The following GRM7 variants were observed in gnomAD, a reference collection of about 807,000 sequenced individuals.
The protein encoded by GRM7 is metabotropic glutamate receptor 7.
A neutral mutation model predicts 84.5 loss-of-function variants in GRM7; 35 were observed. The observed-to-expected ratio is 0.41, with a 90% CI of 0.32 to 0.55. The LOEUF (loss-of-function observed/expected upper bound fraction) is 0.55. Among genes scored for constraint, GRM7 ranks in the 20% least tolerant of loss-of-function variants. The pLI, the probability that GRM7 is intolerant of heterozygous loss-of-function variation, is 0.19. For missense variants in GRM7, 1,003 were observed against 1,194.6 expected (o/e 0.84, Z 2.36); for synonymous variants, 487 against 455.1 (o/e 1.07, Z -0.89).
chr3:6,989,517 T>G lies in GRM7; in HGVS notation c.519+127610T>G, dbSNP rs144349723. Among the ~76,000 whole-genome samples, 1,119 of 152,330 alleles carry G rather than the reference T, an allele frequency of 7.3e-3. 10 individuals carry two copies. Among genetic ancestry groups the G allele is most frequent in the African/African-American group, 0.025 (1,029 of 41,578 alleles). On this transcript the variant is annotated intron_variant, in intron 1 of 9. Coordinates refer to ENST00000357716, the MANE Select transcript of GRM7 (RefSeq NM_000844.4). ...AGAAAACTTACTCTTATCTCAGACT[T>G]TCTTCCTTCACAAACTTTCTTTCTT...
intron 4 of GRM7, among the ~76,000 whole-genome samples, chr3:7,376,292 C>T (rs1694346739): frequency 6.6e-6 from 1 of 152,262 alleles, no homozygotes; most frequent in African/African-American, 2.4e-5. Flanking sequence ...TTGCTAGTTT[C>T]TGCTCTGTGG....
chr3:7,115,867 G>T (rs1334126672), intron 1 of GRM7, among the ~76,000 whole-genome samples: 1 of 152,148 alleles, frequency 6.6e-6, no homozygotes, highest in Non-Finnish European at 1.5e-5. Flanking sequence ...TCCTGGAACA[G>T]TCTAGGTTTC....
chr3:7,029,672 A>C (rs947527579), intron 1 of GRM7, among the ~76,000 whole-genome samples: 1 of 152,184 alleles, frequency 6.6e-6, no homozygotes, highest in Non-Finnish European at 1.5e-5. Context: ...TAGTGACAGA[A>C]AGTTGAATGA....
chr3:7,044,570 A>G (rs749545951), intron 1 of GRM7, among the ~76,000 whole-genome samples: 1 of 152,218 alleles, frequency 6.6e-6, no homozygotes, highest in Admixed American at 6.5e-5. Flanking sequence ...AGAAAGCCGC[A>G]GTGACGTTTT....
At position 7,292,752 on chromosome 3, in the gene GRM7, T is replaced by C. The variant is rs898048103; in HGVS notation, c.737-5932T>C. ...AAAAAAAAAAACAAACCATTGAGGC[T>C]GGACGCGGTGGCTCACGCCTGTAAT... On this transcript the variant is annotated intron_variant, in intron 2 of 9. Coordinates refer to ENST00000357716, the MANE Select transcript of GRM7 (RefSeq NM_000844.4). 6.6e-5 allele frequency among the ~76,000 whole-genome samples: 10 copies of C among 150,938 alleles called. No individual in the cohort carries two copies. In the South Asian group the frequency reaches 1.7e-3, roughly 25 times the overall value.
chr3:7,168,666 TC>T (rs1344815149), intron 2 of GRM7, among the ~76,000 whole-genome samples: 1 of 152,280 alleles, frequency 6.6e-6, no homozygotes, highest in East Asian at 1.9e-4. Context: ...TCAAATATAT[TC>T]CTGTTAATAT....
intron 2 of GRM7, among the ~76,000 whole-genome samples, chr3:7,198,237 C>T (rs532596827): frequency 1.3e-5 from 2 of 151,718 alleles, no homozygotes; most frequent in East Asian, 3.9e-4. Flanking sequence ...TATGCAACAG[C>T]ACAGATGAAT....
chr3:6,872,643 G>C (rs1208801244), intron 1 of GRM7, among the ~76,000 whole-genome samples: 2 of 151,870 alleles, frequency 1.3e-5, no homozygotes, highest in Admixed American at 6.6e-5. Context: ...GCCCCGGTGT[G>C]TGATGTTCCC....
chr3:7,676,158 T>C (rs1448622494), intron 8 of GRM7, among the ~76,000 whole-genome samples: 1 of 152,128 alleles, frequency 6.6e-6, no homozygotes, highest in Admixed American at 6.5e-5. Context: ...GGTAAAATAA[T>C]AACCATGGGA....
chr3:6,908,073 T>C (rs1367060070), intron 1 of GRM7, among the ~76,000 whole-genome samples: 1 of 152,168 alleles, frequency 6.6e-6, no homozygotes, highest in Non-Finnish European at 1.5e-5. Flanking sequence ...AATATCGTTT[T>C]GTTAAAGAAG....
At chr3:7,164,122 G>A (rs769446296) in intron 2 of GRM7, among the ~76,000 whole-genome samples, 1 of 152,160 alleles carries the variant, frequency 6.6e-6, no homozygotes, top group Non-Finnish European at 1.5e-5. Flanking sequence ...ACTTTGGGAG[G>A]CTGAGGTGGG....
intron 7 of GRM7, among the ~76,000 whole-genome samples, chr3:7,562,843 A>G (rs554832904): frequency 1.3e-5 from 2 of 152,230 alleles, no homozygotes; most frequent in Non-Finnish European, 2.9e-5. Context: ...ATGTGTCTGT[A>G]TTGGATAGAG....
At chr3:7,636,122 G>A in intron 8 of GRM7, 1 of 418,894 alleles carries the variant, frequency 2.4e-6, no homozygotes, top group East Asian at 7.2e-5. Context: ...ATTCTACCTA[G>A]AGGTTGTTCA....
At chr3:7,275,600 C>T (rs1050242806) in intron 2 of GRM7, among the ~76,000 whole-genome samples, 1 of 152,000 alleles carries the variant, frequency 6.6e-6, no homozygotes, top group Non-Finnish European at 1.5e-5. Context: ...CTAGAGCTGG[C>T]GGTAGTTGGG....
chr3:7,696,477 A>C (rs1222945629), intron 9 of GRM7, among the ~76,000 whole-genome samples: 1 of 152,166 alleles, frequency 6.6e-6, no homozygotes, highest in Non-Finnish European at 1.5e-5. Flanking sequence ...GTCACCACCC[A>C]AATGGAAGTA....
intron 7 of GRM7, among the ~76,000 whole-genome samples, chr3:7,481,660 C>A (rs1358653445): frequency 6.6e-6 from 1 of 152,176 alleles, no homozygotes; most frequent in Non-Finnish European, 1.5e-5. Context: ...GCCCTCAGTA[C>A]ATTTTATGAT....
At chr3:6,986,377 A>G (rs1450250046) in intron 1 of GRM7, among the ~76,000 whole-genome samples, 2 of 151,722 alleles carry the variant, frequency 1.3e-5, no homozygotes, top group Non-Finnish European at 1.5e-5. Context: ...TGGTATATCA[A>G]TTATGCCTCA....
rs543058580 is a variant in GRM7 at position 6,945,548 on chromosome 3, C to G, written c.519+83641C>G. ...ACATGTGCATGTGTCTTTATAGCAG[C>G]ATGATTTATAATCCTTTGGGTATAT... On this transcript the variant is annotated intron_variant, in intron 1 of 9. Transcript: ENST00000357716. 1.6e-3 allele frequency among the ~76,000 whole-genome samples: 243 copies of G among 151,878 alleles called. 2 individuals carry two copies. Among genetic ancestry groups the G allele is most frequent in the African/African-American group, 5.8e-3 (237 of 41,206 alleles).
intron 1 of GRM7, among the ~76,000 whole-genome samples, chr3:7,001,540 T>C (rs1297617648): frequency 2.0e-5 from 3 of 152,178 alleles, no homozygotes; most frequent in African/African-American, 7.2e-5. Flanking sequence ...CAAATAAGCT[T>C]TTCCACATAT....
Sources: allele counts gnomAD v4.1 joint callset (sites outside exome capture counted in the v4.1 genomes callset), GRCh38; gene constraint gnomAD v4.1.1; transcripts MANE v1.5; gene names NCBI Gene and HGNC (gene_info 2026-07-23, HGNC 2026-07-21).